The following FER1L6 variants were observed in gnomAD, a reference collection of about 807,000 sequenced individuals.
FER1L6 encodes the protein fer-1-like protein 6.
A neutral mutation model predicts 219.2 loss-of-function variants in FER1L6; 177 were observed. That is an observed-to-expected ratio of 0.81 (90% CI 0.71 to 0.91). The LOEUF (loss-of-function observed/expected upper bound fraction) is 0.91. FER1L6 is among the 40% of genes least tolerant of loss of function. FER1L6 has a pLI of 0.00. For synonymous variants in FER1L6, 768 were observed against 824.3 expected (o/e 0.93, Z 1.17); for missense variants, 2,153 against 2,259.9 (o/e 0.95, Z 0.96).
intron 22 of FER1L6, among the ~76,000 whole-genome samples, chr8:124,051,618 A>G (rs1211220971): frequency 6.6e-6 from 1 of 152,226 alleles, no homozygotes; most frequent in Non-Finnish European, 1.5e-5. Context: ...CATGTATTTC[A>G]GGTAAAGGAA....
chr8:124,035,453 A>C lies in FER1L6; in HGVS notation c.2463A>C (p.Gln821His). The change falls in exon 19 of 41, where the codon CAA (glutamine) becomes CAC (histidine). Residue 821 changes from glutamine (Q) to histidine (H), a missense_variant and splice_region_variant. Gln to His is a conservative substitution (Grantham distance 24). Transcript: ENST00000522917. ...ACCCCCCATCTAACCTGCTCTACCA[A>C]GGTAGGGTCCCCACTGGGCAAAGAG... ...TNHPPSNLLY[Q>H]EQHVFQLRAH... is the part of the protein sequence containing the mutation. 6.2e-7 allele frequency: 1 copy of C among 1,611,938 alleles called. No homozygotes were observed. The highest frequency in any genetic ancestry group is 8.5e-7 in the Non-Finnish European group (1 of 1,179,402).
intron 13 of FER1L6, among the ~76,000 whole-genome samples, chr8:124,008,886 A>T (rs879577191): frequency 2.4e-4 from 36 of 152,228 alleles, no homozygotes; most frequent in Non-Finnish European, 5.3e-4. Flanking sequence ...AACATCACTA[A>T]TGATCAGGGA....
intron 2 of FER1L6, among the ~76,000 whole-genome samples, chr8:123,962,906 G>A (rs1392876891): frequency 6.6e-6 from 1 of 152,160 alleles, no homozygotes; most frequent in Non-Finnish European, 1.5e-5. Flanking sequence ...CGGATTACAG[G>A]TGTGAGCCAC....
At chr8:124,078,055 A>G (rs894863257) in intron 32 of FER1L6, among the ~76,000 whole-genome samples, 2 of 152,070 alleles carry the variant, frequency 1.3e-5, no homozygotes, top group Admixed American at 6.6e-5. Context: ...GCCATCTCCC[A>G]TCTCCCCACT....
chr8:123,890,880 G>T (rs1305571516), intron 1 of FER1L6, among the ~76,000 whole-genome samples: 2 of 151,806 alleles, frequency 1.3e-5, no homozygotes, highest in East Asian at 1.9e-4. Flanking sequence ...TGTTTAAATG[G>T]TGTTTATTTC....
Position 124,064,443 on chromosome 8 carries a change from C to A in FER1L6, c.3425C>A (p.Pro1142His). Reference protein sequence around the residue: ...ADHIYVDVEPPPTVVPDSAQA... With the variant: ...ADHIYVDVEPHPTVVPDSAQA... ...CACATTTATGTGGATGTTGAGCCAC[C>A]TCCCACAGTGGTGCCCGACTCTGCC... Residue 1142 changes from proline (P) to histidine (H), a missense_variant, in exon 26 of 41, where the codon CCT (proline) becomes CAT (histidine). Physicochemically the swap from Pro to His is moderately conservative, Grantham distance 77. Transcript: ENST00000522917. The A allele has an allele frequency of 6.2e-7, 1 of 1,613,998 alleles. No homozygotes were observed. The highest frequency in any genetic ancestry group is 1.7e-5 in the Admixed American group (1 of 59,976).
At chr8:124,070,710 A>T in intron 30 of FER1L6, 112 bp downstream of exon 30, 2 of 934,910 alleles carry the variant, frequency 2.1e-6, no homozygotes, top group South Asian at 2.0e-5. Context: ...GAAAATCCTT[A>T]ATTTTTACTC....
chr8:124,006,910 C>T (rs76146595), intron 13 of FER1L6, among the ~76,000 whole-genome samples: 5,604 of 152,226 alleles, frequency 0.037, 225 homozygotes, highest in East Asian at 0.11. Flanking sequence ...ATCATTAGCA[C>T]GAGATGATCC....
chr8:124,064,478 C>T lies in FER1L6; in HGVS notation c.3460C>T (p.Pro1154Ser). 6.2e-7 allele frequency: 1 copy of T among 1,614,080 alleles called. No homozygotes were observed. The highest frequency in any genetic ancestry group is 1.7e-4 in the Middle Eastern group (1 of 6,058). Residue 1154 changes from proline (P) to serine (S), a missense_variant, in exon 26 of 41, where the codon CCG becomes TCG. Pro to Ser is a moderately conservative substitution (Grantham distance 74). Transcript: ENST00000522917. ...GGTGCCCGACTCTGCCCAGGCCCAGCCGGCCATCCTGGTTGACGTCCCTGA... is the reference window on the plus strand; with the variant it reads ...GGTGCCCGACTCTGCCCAGGCCCAGTCGGCCATCCTGGTTGACGTCCCTGA... ...TVVPDSAQAQ[P>S]AILVDVPDSS... is the part of the protein sequence containing the mutation.
chr8:123,933,344 A>G (rs566470056), intron 1 of FER1L6, among the ~76,000 whole-genome samples: 4 of 151,972 alleles, frequency 2.6e-5, no homozygotes, highest in African/African-American at 7.2e-5. Context: ...ACTTCCCCCT[A>G]TAGTCTGATC....
intron 21 of FER1L6, 108 bp downstream of exon 21, chr8:124,046,009 G>C: frequency 7.3e-7 from 1 of 1,364,700 alleles, no homozygotes; most frequent in South Asian, 1.4e-5. Context: ...TGAGTGGTGA[G>C]AACACTAGAT....
Position 123,936,140 on chromosome 8 carries a change from T to C in FER1L6, c.-7-19852T>C, listed in dbSNP as rs117473416. Among the ~76,000 whole-genome samples the C allele has an allele frequency of 4.8e-3, 734 of 152,236 alleles. 19 individuals are homozygous for C. In the East Asian group the frequency reaches 0.098, roughly 20 times the overall value. ...ACCTCTCGGTCAGATGCATGTCCCCTGGGATCTGATGTTACTGTAGGAGGA... is the reference window on the plus strand; with the variant it reads ...ACCTCTCGGTCAGATGCATGTCCCCCGGGATCTGATGTTACTGTAGGAGGA... On this transcript the variant is annotated intron_variant, in intron 1 of 40. Transcript: ENST00000522917.
chr8:124,005,976 A>C (rs1817637224), intron 13 of FER1L6, among the ~76,000 whole-genome samples: 1 of 152,040 alleles, frequency 6.6e-6, no homozygotes, highest in African/African-American at 2.4e-5. Flanking sequence ...TCCAAGAATC[A>C]CCTTCTTTGG....
Position 124,119,857 on chromosome 8 carries a change from G to C in FER1L6, c.*67G>C. 1 of 1,520,226 alleles carries C rather than the reference G, an allele frequency of 6.6e-7. No individual in the cohort carries two copies. Among genetic ancestry groups the C allele is most frequent in the Non-Finnish European group, 9.0e-7 (1 of 1,114,778 alleles). 94.2% of individuals were successfully genotyped at this position (1,520,226 alleles called of 1,614,324 possible). ...CTCTTCCTTATCTGGGAGCATCTAA[G>C]AACATGTCCCATGCATGGCACTGTG... is the stretch of plus-strand genomic sequence containing the variant. On this transcript the variant is annotated 3_prime_UTR_variant, in exon 41 of 41. Transcript: ENST00000522917.
chr8:124,086,481 C>T lies in FER1L6; in HGVS notation c.4391+4023C>T, dbSNP rs563834274. Among the ~76,000 whole-genome samples, 3 of 150,388 alleles carry T rather than the reference C, an allele frequency of 2.0e-5. No individual in the cohort carries two copies. The South Asian group carries it at 6.3e-4, about 31-fold the overall frequency. On this transcript the variant is annotated intron_variant, in intron 33 of 40. Coordinates refer to ENST00000522917, the MANE Select transcript of FER1L6 (RefSeq NM_001039112.2). ...AAAGCAAAAATAAAACTGATGAAAACTCTATATTTTCACTTCATCTCCCTG... is the reference window on the plus strand; with the variant it reads ...AAAGCAAAAATAAAACTGATGAAAATTCTATATTTTCACTTCATCTCCCTG...
At chr8:124,077,391 T>C (rs1307157628) in intron 32 of FER1L6, among the ~76,000 whole-genome samples, 3 of 152,236 alleles carry the variant, frequency 2.0e-5, no homozygotes, top group Non-Finnish European at 4.4e-5. Flanking sequence ...AAAATCTCCA[T>C]TGGCTCCATT....
chr8:124,112,575 A>C (rs1823066685), intron 39 of FER1L6, among the ~76,000 whole-genome samples: 1 of 152,082 alleles, frequency 6.6e-6, no homozygotes, highest in Non-Finnish European at 1.5e-5. Context: ...CATTTATTTT[A>C]CAAGTTAATC....
intron 39 of FER1L6, among the ~76,000 whole-genome samples, chr8:124,114,997 T>A (rs1162190661): frequency 6.7e-6 from 1 of 149,450 alleles, no homozygotes; most frequent in African/African-American, 2.5e-5. Flanking sequence ...ATGCCTCATG[T>A]AATTCCAGTC....
Position 124,082,396 on chromosome 8 carries a change from C to T in FER1L6, c.4329C>T (p.Asp1443=), listed in dbSNP as rs368668691. ...TDDLIGETKI[D]LENRFYSKHR... ...ACCTTATTGGTGAGACCAAGATCGA[C>T]CTGGAGAACCGCTTCTACAGCAAAC... The change falls in exon 33 of 41, where the codon GAC becomes GAT. Residue 1443 remains aspartate, a synonymous_variant. Coordinates refer to ENST00000522917, the MANE Select transcript of FER1L6 (RefSeq NM_001039112.2). 4.3e-5 allele frequency: 69 copies of T among 1,613,968 alleles called. No individual in the cohort carries two copies. The highest frequency in any genetic ancestry group is 5.3e-5 in the African/African-American group (4 of 74,928).
Sources: gnomAD v4.1 joint callset for allele counts (sites outside exome capture counted in the v4.1 genomes callset) on GRCh38, gnomAD v4.1.1 for gene constraint, MANE v1.5 for transcripts, NCBI Gene and HGNC (gene_info 2026-07-23, HGNC 2026-07-21) for gene names.